The following LMO7 variants were observed in gnomAD, a reference collection of about 807,000 sequenced individuals.
The protein encoded by LMO7 is LIM domain only protein 7.
In LMO7, 120 loss-of-function variants were observed where a neutral mutation model predicts 206.5. That is an observed-to-expected ratio of 0.58 (90% CI 0.50 to 0.68). The LOEUF (loss-of-function observed/expected upper bound fraction) is 0.68, where lower values mean the gene tolerates loss of function less well. LMO7 is among the 30% of genes least tolerant of loss of function. The pLI is 0.00. For missense variants in LMO7, 1,959 were observed against 1,957.9 expected, an observed-to-expected ratio of 1.00 and a Z score of -0.01; for synonymous variants, 706 against 681.5, an observed-to-expected ratio of 1.04 and a Z score of -0.56.
exon 1 of LMO7, chr13:75,620,595 T>A (rs1462320066): frequency 6.6e-6 from 1 of 152,136 alleles, no homozygotes; most frequent in East Asian, 1.9e-4. Context: ...ACTCAGATAA[T>A]CTTAAGGCTG....
intron 3 of LMO7, among the ~76,000 whole-genome samples, chr13:75,758,798 T>C (rs1031438344): frequency 2.0e-5 from 3 of 152,246 alleles, no homozygotes; most frequent in African/African-American, 7.2e-5. Context: ...ACTTTTAGTT[T>C]AACCTTATTT....
chr13:75,819,047 A>G (rs1359343627), intron 12 of LMO7, among the ~76,000 whole-genome samples: 4 of 152,236 alleles, frequency 2.6e-5, no homozygotes, highest in African/African-American at 7.2e-5. Flanking sequence ...CAGAACAGCC[A>G]GGTTTTTGGA....
intron 8 of LMO7, chr13:75,804,924 G>T: frequency 9.9e-7 from 1 of 1,005,136 alleles, no homozygotes; most frequent in Non-Finnish European, 1.2e-6. Flanking sequence ...GTGTGGTTTT[G>T]CAAATCCAGC....
At chr13:75,626,595 A>ATATATATTTTTTTTTTTTTTTTTTTTTTT in intron 2 of LMO7, among the ~76,000 whole-genome samples, 8 of 71,176 alleles carry the variant, frequency 1.1e-4, no homozygotes, top group Middle Eastern at 7.4e-3. Flanking sequence ...ATATATATAA[A>ATATATATTTTTTTTTTTTTTTTTTTTTTT]TTTTTTTGAG....
At chr13:75,630,779 A>G (rs377079544) in intron 2 of LMO7, among the ~76,000 whole-genome samples, 6 of 152,268 alleles carry the variant, frequency 3.9e-5, no homozygotes, top group African/African-American at 1.4e-4. Flanking sequence ...ACAAACCCAG[A>G]TAAGGTGCTT....
Position 75,858,079 on chromosome 13 carries a change from AT to A in LMO7, c.*138del. ...AGAATAACTTTTTTTGCCTCTTTAG[AT>A]TACATAGAAGCATTGTAGTCTTGGT... On this transcript the variant is annotated 3_prime_UTR_variant, in exon 31 of 31. Transcript: ENST00000377534. 1 of 907,710 alleles carries A rather than the reference AT, an allele frequency of 1.1e-6. No individual in the cohort carries two copies. The highest frequency in any genetic ancestry group is 1.7e-6 in the Non-Finnish European group (1 of 594,920). The allele number at this position is 907,710 out of a possible 1,614,324, so 56.2% of individuals were successfully genotyped here.
chr13:75,656,164 C>T (rs1337811636), intron 1 of LMO7, among the ~76,000 whole-genome samples: 1 of 152,166 alleles, frequency 6.6e-6, no homozygotes, highest in Non-Finnish European at 1.5e-5. Context: ...TACTGTGGGG[C>T]TCTTCCACTC....
At chr13:75,706,118 A>G (rs140731132) in intron 1 of LMO7, among the ~76,000 whole-genome samples, 3,057 of 152,282 alleles carry the variant, frequency 0.02, 56 homozygotes, top group Middle Eastern at 0.058. Flanking sequence ...TTTAATCTCC[A>G]TTTCACAAAT....
At chr13:75,792,060 G>A (rs1249307489) in intron 4 of LMO7, among the ~76,000 whole-genome samples, 4 of 152,076 alleles carry the variant, frequency 2.6e-5, no homozygotes, top group African/African-American at 4.8e-5. Context: ...CTTGAATTCC[G>A]GCATTCAAGA....
intron 2 of LMO7, among the ~76,000 whole-genome samples, chr13:75,721,413 C>CCT (rs1348544412): frequency 2.0e-5 from 3 of 152,134 alleles, no homozygotes; most frequent in African/African-American, 7.2e-5. Context: ...GTTGTCTGTG[C>CCT]CTCTGGTAGC....
chr13:75,697,537 C>A (rs906412334), intron 1 of LMO7, among the ~76,000 whole-genome samples: 3 of 152,204 alleles, frequency 2.0e-5, no homozygotes, highest in African/African-American at 4.8e-5. Context: ...TTATCTCCCA[C>A]TGGGTCCCTC....
At chr13:75,804,807 T>C in intron 8 of LMO7, 1 of 1,152,848 alleles carries the variant, frequency 8.7e-7, no homozygotes, top group Non-Finnish European at 1.1e-6. Flanking sequence ...ACCAGATAAT[T>C]TGTATTGTTC....
At chr13:75,837,952 T>G (rs1299799085) in intron 19 of LMO7, among the ~76,000 whole-genome samples, 188 bp from the exon 20 acceptor site, 1 of 152,222 alleles carries the variant, frequency 6.6e-6, no homozygotes, top group Admixed American at 6.5e-5. Flanking sequence ...CTAATTTGAA[T>G]GTAATGTAGG....
At chr13:75,683,972 A>G (rs868787397) in intron 1 of LMO7, among the ~76,000 whole-genome samples, 2 of 152,160 alleles carry the variant, frequency 1.3e-5, no homozygotes, top group South Asian at 4.1e-4. Flanking sequence ...TAAATTGTGA[A>G]TATGTCTTAT....
At chr13:75,798,364 C>A (rs2054301110) in intron 6 of LMO7, among the ~76,000 whole-genome samples, 1 of 152,128 alleles carries the variant, frequency 6.6e-6, no homozygotes, top group African/African-American at 2.4e-5. Flanking sequence ...AACAAACAAA[C>A]AAACAAAAAA....
At chr13:75,710,839 A>T (rs1488226471) in intron 1 of LMO7, among the ~76,000 whole-genome samples, 1 of 151,914 alleles carries the variant, frequency 6.6e-6, no homozygotes, top group Non-Finnish European at 1.5e-5. Flanking sequence ...CACTATGTTG[A>T]ATAGGAGTGG....
chr13:75,818,477 A>G (rs1055648784), intron 12 of LMO7, among the ~76,000 whole-genome samples: 1 of 152,114 alleles, frequency 6.6e-6, no homozygotes, highest in Non-Finnish European at 1.5e-5. Context: ...TATTTTGGAG[A>G]CATGGAAAAC....
At chr13:75,846,374 T>C (rs946984485) in intron 26 of LMO7, among the ~76,000 whole-genome samples, 1 of 152,238 alleles carries the variant, frequency 6.6e-6, no homozygotes, top group Non-Finnish European at 1.5e-5. Context: ...TTTCTGTTAA[T>C]GGGTCCGTAA....
At chr13:75,727,990 G>C (rs1484525661) in intron 3 of LMO7, among the ~76,000 whole-genome samples, 1 of 151,972 alleles carries the variant, frequency 6.6e-6, no homozygotes, top group Non-Finnish European at 1.5e-5. Flanking sequence ...ATTCCCTGGT[G>C]TATATGTGCC....
Sources: gnomAD v4.1 joint callset for allele counts (sites outside exome capture counted in the v4.1 genomes callset) on GRCh38, gnomAD v4.1.1 for gene constraint, MANE v1.5 for transcripts, NCBI Gene and HGNC (gene_info 2026-07-23, HGNC 2026-07-21) for gene names.